GRK5: variants seen among roughly 807,000 people sequenced by gnomAD.
GRK5 encodes G protein-coupled receptor kinase 5.
A neutral mutation model predicts 78.4 loss-of-function variants in GRK5; 40 were observed. That is an observed-to-expected ratio of 0.51 (90% CI 0.40 to 0.66). The LOEUF is 0.66. Among genes scored for constraint, GRK5 ranks in the 30% least tolerant of loss-of-function variants. The pLI, the probability that GRK5 is intolerant of heterozygous loss-of-function variation, is 0.00. For synonymous variants in GRK5, 289 were observed against 296.8 expected (o/e 0.97, Z 0.27); for missense variants, 598 against 759.9 (o/e 0.79, Z 2.50).
rs74326773 is a variant in GRK5, at chr10:119,444,721, G to A, written c.1266+969G>A. Among the ~76,000 whole-genome samples, 1,335 of 152,232 alleles carry A rather than the reference G, an allele frequency of 8.8e-3. 24 individuals are homozygous for A. The highest frequency in any genetic ancestry group is 0.03 in the African/African-American group (1,251 of 41,548). ...CTCCCTGGAGCCACAGATGTACCCC[G>A]TATCCCATGTACCCGGAGCCACAGA... On this transcript the variant is annotated intron_variant, in intron 12 of 15. Coordinates refer to ENST00000392870, the MANE Select transcript of GRK5 (RefSeq NM_005308.3).
chr10:119,359,748 G>C (rs1041379404), intron 2 of GRK5, among the ~76,000 whole-genome samples: 1 of 152,178 alleles, frequency 6.6e-6, no homozygotes, highest in African/African-American at 2.4e-5. Context: ...GCAGGTGTTC[G>C]GGGGAATGTG....
At chr10:119,210,506 C>T (rs1053682222) in intron 1 of GRK5, among the ~76,000 whole-genome samples, 2 of 152,024 alleles carry the variant, frequency 1.3e-5, no homozygotes, top group East Asian at 1.9e-4. Flanking sequence ...ATTTATTTTA[C>T]TAAACTTAGT....
chr10:119,425,369 T>TA (rs1852659298), intron 6 of GRK5, among the ~76,000 whole-genome samples: 3 of 152,202 alleles, frequency 2.0e-5, no homozygotes, highest in African/African-American at 7.2e-5. Context: ...TGTCAGCAAA[T>TA]AAAGAGCTGC....
Position 119,453,155 on chromosome 10 carries a change from C to A in GRK5, c.1553C>A (p.Thr518Lys). 1 of 1,545,918 alleles carries A rather than the reference C, an allele frequency of 6.5e-7. No homozygotes were observed. Among genetic ancestry groups the A allele is most frequent in the Non-Finnish European group, 8.9e-7 (1 of 1,117,814 alleles). ...TCACGGCCCCTCCAGATGATAGAAACAGAATGCTTTAAGGAGCTGAACGTG... is the reference window on the plus strand; with the variant it reads ...TCACGGCCCCTCCAGATGATAGAAAAAGAATGCTTTAAGGAGCTGAACGTG... ...SIPWQNEMIE[T>K]ECFKELNVFG... The change falls in exon 15 of 16, where the codon ACA (threonine) becomes AAA (lysine). Residue 518 changes from threonine to lysine, a missense_variant. By Grantham distance (78) the Thr-to-Lys change is moderately conservative (BLOSUM62 -1). Transcript: ENST00000392870.
chr10:119,257,797 T>C (rs1849314461), intron 1 of GRK5, among the ~76,000 whole-genome samples: 1 of 152,156 alleles, frequency 6.6e-6, no homozygotes. Flanking sequence ...GCGCTGTGGA[T>C]GGGGTGCCTC....
At chr10:119,213,965 GTT>G (rs79646491) in intron 1 of GRK5, among the ~76,000 whole-genome samples, 78,983 of 151,842 alleles carry the variant, frequency 0.52, 20,680 homozygotes, top group East Asian at 0.65. Context: ...CTTTTTACAT[GTT>G]TTTTTGTTTG....
At chr10:119,285,942 C>G (rs1449755447) in intron 1 of GRK5, among the ~76,000 whole-genome samples, 1 of 151,000 alleles carries the variant, frequency 6.6e-6, no homozygotes, top group Non-Finnish European at 1.5e-5. Context: ...GCTCATAACC[C>G]CTCCTTTCCT....
At chr10:119,262,344 T>G (rs1016997725) in intron 1 of GRK5, among the ~76,000 whole-genome samples, 19 of 138,096 alleles carry the variant, frequency 1.4e-4, no homozygotes, top group Middle Eastern at 3.5e-3. Context: ...TTTTTTTTTT[T>G]TTTTTTTTTT....
intron 3 of GRK5, among the ~76,000 whole-genome samples, chr10:119,382,410 A>C (rs10787961): frequency 1.3e-5 from 2 of 152,230 alleles, no homozygotes; most frequent in Non-Finnish European, 2.9e-5. Context: ...CTAGTATTTT[A>C]ATAACTTTTT....
At chr10:119,370,473 C>T (rs1851529014) in intron 2 of GRK5, among the ~76,000 whole-genome samples, 1 of 152,200 alleles carries the variant, frequency 6.6e-6, no homozygotes, top group Non-Finnish European at 1.5e-5. Context: ...GTGTGACACA[C>T]CATATGTCAT....
At chr10:119,386,023 T>C (rs1234378646) in intron 3 of GRK5, among the ~76,000 whole-genome samples, 1 of 152,166 alleles carries the variant, frequency 6.6e-6, no homozygotes, top group Non-Finnish European at 1.5e-5. Context: ...TAGCTGGGAC[T>C]ACAGGTACAC....
intron 2 of GRK5, among the ~76,000 whole-genome samples, chr10:119,351,330 G>A (rs1851182344): frequency 2.0e-5 from 3 of 152,156 alleles, no homozygotes; most frequent in Non-Finnish European, 2.9e-5. Flanking sequence ...GTCTTGAATC[G>A]TAGCTCCCAT....
At chr10:119,361,680 G>T (rs935544558) in intron 2 of GRK5, among the ~76,000 whole-genome samples, 5 of 152,202 alleles carry the variant, frequency 3.3e-5, no homozygotes, top group African/African-American at 1.2e-4. Context: ...GAATTGAAAG[G>T]CTGGGTGCGG....
chr10:119,292,928 ACTGCGTGTTGACTTTATGTTTT>A (rs1850010279), intron 1 of GRK5, among the ~76,000 whole-genome samples: 1 of 152,102 alleles, frequency 6.6e-6, no homozygotes, highest in African/African-American at 2.4e-5. Context: ...TGGGAGGCCA[ACTGCGTGTTGACTTTATGTTTT>A]ACAAAGCACC....
intron 3 of GRK5, 47 bp from the exon 4 acceptor site, chr10:119,396,648 G>T: frequency 2.1e-6 from 3 of 1,461,604 alleles, no homozygotes; most frequent in Non-Finnish European, 2.9e-6. Context: ...ACTATAAGAA[G>T]CTCATGAGCA....
intron 4 of GRK5, among the ~76,000 whole-genome samples, chr10:119,398,274 ACT>A (rs1852090927): frequency 6.6e-6 from 1 of 152,012 alleles, no homozygotes. Flanking sequence ...TAGTGTGGAC[ACT>A]CTGGGCATAA....
intron 1 of GRK5, among the ~76,000 whole-genome samples, chr10:119,325,680 G>A (rs541030296): frequency 6.5e-4 from 99 of 152,268 alleles, no homozygotes; most frequent in African/African-American, 2.4e-3. Context: ...AGATGCTGGT[G>A]GGCTCAGGGA....
chr10:119,420,691 G>A (rs866901098), intron 4 of GRK5, among the ~76,000 whole-genome samples: 4 of 151,382 alleles, frequency 2.6e-5, no homozygotes, highest in Non-Finnish European at 4.4e-5. Flanking sequence ...GAATCCTCCC[G>A]CCTCAGCCTC....
At position 119,399,808 on chromosome 10, in the gene GRK5, G is replaced by A. The variant is rs894143588; in HGVS notation, c.339+3036G>A. On this transcript the variant is annotated intron_variant, in intron 4 of 15. Coordinates refer to ENST00000392870, the MANE Select transcript of GRK5 (RefSeq NM_005308.3). ...TACAGAACACATCCAAGAGCCTCAC[G>A]CCCACACCTCCTTCTGCTCCAGCAT... is the stretch of plus-strand genomic sequence containing the variant. Among the ~76,000 whole-genome samples, 7 of 152,062 alleles carry A rather than the reference G, an allele frequency of 4.6e-5. No individual in the cohort carries two copies. In the East Asian group the frequency reaches 5.8e-4, roughly 13 times the overall value.
Sources: gnomAD v4.1 joint callset for allele counts (sites outside exome capture counted in the v4.1 genomes callset) on GRCh38, gnomAD v4.1.1 for gene constraint, MANE v1.5 for transcripts, NCBI Gene and HGNC (gene_info 2026-07-23, HGNC 2026-07-21) for gene names.